The following NKAPL variants were observed in gnomAD, a reference collection of about 807,000 sequenced individuals.
The protein encoded by NKAPL is NKAP-like protein.
Under a neutral mutation model 14.7 loss-of-function variants are expected in NKAPL, and 7 were observed. The observed-to-expected ratio is 0.48, with a 90% CI of 0.27 to 0.89. NKAPL has a LOEUF of 0.89. Ranked by LOEUF, NKAPL falls within the 40% of genes least tolerant of loss-of-function variation. The pLI, the probability that NKAPL is intolerant of heterozygous loss-of-function variation, is 0.12. For synonymous variants in NKAPL, 192 were observed against 179.9 expected (o/e 1.07, Z -0.54); for missense variants, 466 against 494.1 (o/e 0.94, Z 0.54).
In NKAPL at chr6:28,260,301, G is replaced by T; in HGVS notation, c.930G>T (p.Glu310Asp). 6.2e-7 allele frequency: 1 copy of T among 1,614,216 alleles called. No homozygotes were observed. ...LLPGEGAAMA[E>D]YVKAGKRIPR... Reference sequence around the variant, plus strand: ...CCGGTGAAGGTGCAGCTATGGCTGAGTATGTAAAAGCTGGAAAGCGAATCC... The same window carrying T: ...CCGGTGAAGGTGCAGCTATGGCTGATTATGTAAAAGCTGGAAAGCGAATCC... The change falls in exon 1 of 1, where the codon GAG becomes GAT. Residue 310 changes from glutamate to aspartate, a missense_variant. By Grantham distance (45) the Glu-to-Asp change is conservative. Transcript: ENST00000343684.
chr6:28,259,355 G>A lies in NKAPL; in HGVS notation c.-17G>A. On this transcript the variant is annotated 5_prime_UTR_variant, in exon 1 of 1. Coordinates refer to ENST00000343684, the MANE Select transcript of NKAPL (RefSeq NM_001007531.3). ...CCTCTGGGTCTGTAGCAACCGCCCAGCGTTGAGGCGCGGCTCATGCCCCCA... is the reference window on the plus strand; with the variant it reads ...CCTCTGGGTCTGTAGCAACCGCCCAACGTTGAGGCGCGGCTCATGCCCCCA... The A allele has an allele frequency of 6.5e-7, 1 of 1,547,842 alleles. No individual in the cohort carries two copies. Among genetic ancestry groups the A allele is most frequent in the Middle Eastern group, 1.7e-4 (1 of 5,762 alleles).
Position 28,260,071 on chromosome 6 carries a change from CACAAA to C in NKAPL, c.706_710del (p.Thr236GlufsTer5), listed in dbSNP as rs1761307515. ...CAAGAAGAAAAAGAAGAAAAAGAAA[CACAAA>C]ACAAAGAAAAAGAAGAATAAGAAAA... On this transcript the variant is annotated frameshift_variant, in exon 1 of 1. Coordinates refer to ENST00000343684, the MANE Select transcript of NKAPL (RefSeq NM_001007531.3). LOFTEE classifies it high-confidence loss of function. 6.3e-7 allele frequency: 1 copy of C among 1,578,964 alleles called. No individual in the cohort carries two copies. The highest frequency in any genetic ancestry group is 8.5e-7 in the Non-Finnish European group (1 of 1,170,518).
chr6:28,259,383 ATCCCGGTCCAGCT>A lies in NKAPL; in HGVS notation c.13_25del (p.Ser5IlefsTer114). The A allele has an allele frequency of 6.3e-7, 1 of 1,582,034 alleles. No homozygotes were observed. The highest frequency in any genetic ancestry group is 1.1e-5 in the South Asian group (1 of 87,824). ...TTGAGGCGCGGCTCATGCCCCCAGT[ATCCCGGTCCAGCT>A]ATTCCGAGGACATCGTGGGCTCTCG... is the stretch of plus-strand genomic sequence containing the variant. On this transcript the variant is annotated frameshift_variant, in exon 1 of 1. Transcript: ENST00000343684. LOFTEE classifies it low-confidence loss of function (END_TRUNC).
Position 28,259,577 on chromosome 6 carries a change from C to G in NKAPL, c.206C>G (p.Ser69Cys), listed in dbSNP as rs1459637700. 17 of 1,613,282 alleles carry G rather than the reference C, an allele frequency of 1.1e-5. No individual in the cohort carries two copies. Among genetic ancestry groups the G allele is most frequent in the Non-Finnish European group, 1.4e-5 (17 of 1,179,258 alleles). Residue 69 changes from serine (S) to cysteine (C), a missense_variant, in exon 1 of 1, where the codon TCT becomes TGT. Ser to Cys is a moderately radical substitution (Grantham distance 112). Coordinates refer to ENST00000343684, the MANE Select transcript of NKAPL (RefSeq NM_001007531.3). Reference protein sequence around the residue: ...DVGALYPFSRSGSRGRLPRFR... With the variant: ...DVGALYPFSRCGSRGRLPRFR... ...GGCGCTCTTTACCCCTTTAGTCGCT[C>G]TGGGTCGCGAGGGCGGCTCCCAAGA... is the stretch of plus-strand genomic sequence containing the variant.
In NKAPL at chr6:28,259,576, T is replaced by C; in HGVS notation, c.205T>C (p.Ser69Pro). The change falls in exon 1 of 1, where the codon TCT (serine) becomes CCT (proline). Residue 69 changes from serine (S) to proline (P), a missense_variant. Physicochemically the swap from Ser to Pro is moderately conservative, Grantham distance 74. Transcript: ENST00000343684. The stretch of plus-strand genomic sequence containing the variant: ...GGGCGCTCTTTACCCCTTTAGTCGC[T>C]CTGGGTCGCGAGGGCGGCTCCCAAG... ...DVGALYPFSRSGSRGRLPRFR... is the reference protein window; with the variant it reads ...DVGALYPFSRPGSRGRLPRFR... 6.2e-7 allele frequency: 1 copy of C among 1,613,380 alleles called. No homozygotes were observed. The highest frequency in any genetic ancestry group is 8.5e-7 in the Non-Finnish European group (1 of 1,179,260).
Position 28,260,885 on chromosome 6 carries a change from C to T in NKAPL, c.*305C>T, listed in dbSNP as rs1761333389. 1 of 244,640 alleles carries T rather than the reference C, an allele frequency of 4.1e-6. No homozygotes were observed. Among genetic ancestry groups the T allele is most frequent in the Non-Finnish European group, 8.5e-6 (1 of 118,022 alleles). The allele number at this position is 244,640 out of a possible 1,614,324, so 15.2% of individuals were successfully genotyped here. The stretch of plus-strand genomic sequence containing the variant: ...TTTGGTGTCTTATATACAGAATATA[C>T]ATTCTGTGCATATACAAGAGTATAT... On this transcript the variant is annotated 3_prime_UTR_variant, in exon 1 of 1. Coordinates refer to ENST00000343684, the MANE Select transcript of NKAPL (RefSeq NM_001007531.3).
At position 28,260,092 on chromosome 6, in the gene NKAPL, A is replaced by G. The variant is rs757333671; in HGVS notation, c.721A>G (p.Asn241Asp). 3.5e-5 allele frequency: 56 copies of G among 1,581,096 alleles called. 1 individual carries two copies. Among genetic ancestry groups the G allele is most frequent in the African/African-American group, 9.6e-5 (7 of 72,668 alleles). The stretch of plus-strand genomic sequence containing the variant: ...GAAACACAAAACAAAGAAAAAGAAG[A>G]ATAAGAAAACCAAAAAAGAATCCAG... Reference protein sequence around the residue: ...KKKHKTKKKKNKKTKKESSDS... With the variant: ...KKKHKTKKKKDKKTKKESSDS... Residue 241 changes from asparagine (N) to aspartate (D), a missense_variant, in exon 1 of 1, where the codon AAT (asparagine) becomes GAT (aspartate). Coordinates refer to ENST00000343684, the MANE Select transcript of NKAPL (RefSeq NM_001007531.3).
In NKAPL at chr6:28,260,415, A is replaced by T; in HGVS notation, c.1044A>T (p.Arg348Ser). ...GYVMSGSRHR[R>S]MEAVRLRKEN... The stretch of plus-strand genomic sequence containing the variant: ...TCATGAGTGGTAGCAGGCATCGCAG[A>T]ATGGAGGCTGTACGACTGCGTAAGG... The change falls in exon 1 of 1, where the codon AGA becomes AGT. Residue 348 changes from arginine (R) to serine (S), a missense_variant. Arg to Ser is a moderately radical substitution (Grantham distance 110). Coordinates refer to ENST00000343684, the MANE Select transcript of NKAPL (RefSeq NM_001007531.3). 3 of 1,614,176 alleles carry T rather than the reference A, an allele frequency of 1.9e-6. No individual in the cohort carries two copies. The highest frequency in any genetic ancestry group is 2.5e-6 in the Non-Finnish European group (3 of 1,180,026).
chr6:28,259,751 G>C lies in NKAPL; in HGVS notation c.380G>C (p.Arg127Thr), dbSNP rs549192959. 1.2e-6 allele frequency: 2 copies of C among 1,614,218 alleles called. No individual in the cohort carries two copies. The highest frequency in any genetic ancestry group is 1.7e-6 in the Non-Finnish European group (2 of 1,180,046). The change falls in exon 1 of 1, where the codon AGG becomes ACG. Residue 127 changes from arginine to threonine, a missense_variant. Transcript: ENST00000343684. ...HRQRRLKERE[R>T]IGELGAPEVW... ...CAGAGGAGGCTGAAGGAGAGAGAGA[G>C]GATTGGGGAATTGGGAGCGCCTGAA...
rs780038516 is a variant in NKAPL at position 28,260,428 on chromosome 6, C to T, written c.1057C>T (p.Arg353Ter). Reference sequence around the variant, plus strand: ...CAGGCATCGCAGAATGGAGGCTGTACGACTGCGTAAGGAGAACCAGATCTA... The same window carrying T: ...CAGGCATCGCAGAATGGAGGCTGTATGACTGCGTAAGGAGAACCAGATCTA... ...GSRHRRMEAV[R>*]LRKENQIYSA... The change falls in exon 1 of 1, where the codon CGA becomes TGA. Residue 353 changes from arginine (R) to a stop codon, truncating the protein, a stop_gained. Transcript: ENST00000343684. LOFTEE classifies it high-confidence loss of function. 27 of 1,614,022 alleles carry T rather than the reference C, an allele frequency of 1.7e-5. No individual in the cohort carries two copies. Among genetic ancestry groups the T allele is most frequent in the Non-Finnish European group, 2.2e-5 (26 of 1,179,990 alleles).
In NKAPL at chr6:28,260,848, A is replaced by C. The variant is rs1761332251; in HGVS notation, c.*268A>C. 2.8e-6 allele frequency: 1 copy of C among 355,844 alleles called. No homozygotes were observed. Among genetic ancestry groups the C allele is most frequent in the Non-Finnish European group, 5.3e-6 (1 of 187,282 alleles). 22.0% of individuals were successfully genotyped at this position (355,844 alleles called of 1,614,324 possible). ...CTTTAGCCCCTGACACCTTTCCCCC[A>C]AAAATATATATTTTGGTGTCTTATA... On this transcript the variant is annotated 3_prime_UTR_variant, in exon 1 of 1. Transcript: ENST00000343684.
Position 28,260,579 on chromosome 6 carries a change from A to G in NKAPL, c.1208A>G (p.Ter403=). ...HKKTKEKDDK[*] ...AAGACAAAAGAGAAAGATGACAAGT[A>G]AGGACTTACTTGTTGCACAGCAGGA... The change falls in exon 1 of 1, where the codon TAA becomes TGA. Residue 403 remains the stop codon, a stop_retained_variant. Transcript: ENST00000343684. The G allele has an allele frequency of 6.2e-7, 1 of 1,607,824 alleles. No homozygotes were observed. Among genetic ancestry groups the G allele is most frequent in the Non-Finnish European group, 8.5e-7 (1 of 1,177,592 alleles).
At position 28,260,547 on chromosome 6, in the gene NKAPL, G is replaced by A; in HGVS notation, c.1176G>A (p.Val392=). 1.2e-6 allele frequency: 2 copies of A among 1,612,930 alleles called. No homozygotes were observed. The highest frequency in any genetic ancestry group is 1.3e-5 in the African/African-American group (1 of 74,860). ...SKILASFREM[V]HKKTKEKDDK is the part of the protein sequence containing the mutation. ...TTTTAGCCAGTTTCCGAGAGATGGTGCACAAAAAGACAAAAGAGAAAGATG... is the reference window on the plus strand; with the variant it reads ...TTTTAGCCAGTTTCCGAGAGATGGTACACAAAAAGACAAAAGAGAAAGATG... The change falls in exon 1 of 1, where the codon GTG becomes GTA. Residue 392 remains valine (V), a synonymous_variant. Coordinates refer to ENST00000343684, the MANE Select transcript of NKAPL (RefSeq NM_001007531.3).
In NKAPL at chr6:28,259,368, G is replaced by A; in HGVS notation, c.-4G>A. 1 of 1,564,710 alleles carries A rather than the reference G, an allele frequency of 6.4e-7. No homozygotes were observed. Among genetic ancestry groups the A allele is most frequent in the Non-Finnish European group, 8.7e-7 (1 of 1,150,308 alleles). On this transcript the variant is annotated 5_prime_UTR_variant, in exon 1 of 1. Coordinates refer to ENST00000343684, the MANE Select transcript of NKAPL (RefSeq NM_001007531.3). ...AGCAACCGCCCAGCGTTGAGGCGCG[G>A]CTCATGCCCCCAGTATCCCGGTCCA...
Position 28,260,196 on chromosome 6 carries a change from G to C in NKAPL, c.825G>C (p.Met275Ile). ...AGCAGCCAAATGTGGCAGATACTAT[G>C]GATTTAATAGGGCCAGAAGCACCTA... is the stretch of plus-strand genomic sequence containing the variant. Reference protein sequence around the residue: ...WMEQPNVADTMDLIGPEAPII... With the variant: ...WMEQPNVADTIDLIGPEAPII... The change falls in exon 1 of 1, where the codon ATG (methionine) becomes ATC (isoleucine). Residue 275 changes from methionine to isoleucine, a missense_variant. Transcript: ENST00000343684. 1.2e-6 allele frequency: 2 copies of C among 1,614,196 alleles called. No individual in the cohort carries two copies. Among genetic ancestry groups the C allele is most frequent in the Non-Finnish European group, 1.7e-6 (2 of 1,180,030 alleles).
rs1183365918 is a variant in NKAPL at position 28,260,537 on chromosome 6, G to T, written c.1166G>T (p.Arg389Leu). The T allele has an allele frequency of 2.5e-6, 4 of 1,613,810 alleles. No homozygotes were observed. The highest frequency in any genetic ancestry group is 3.4e-6 in the Non-Finnish European group (4 of 1,179,938). ...KRESKILASF[R>L]EMVHKKTKEK... is the part of the protein sequence containing the mutation. ...GAAAGTAAGATTTTAGCCAGTTTCC[G>T]AGAGATGGTGCACAAAAAGACAAAA... Residue 389 changes from arginine (R) to leucine (L), a missense_variant, in exon 1 of 1, where the codon CGA becomes CTA. Coordinates refer to ENST00000343684, the MANE Select transcript of NKAPL (RefSeq NM_001007531.3).
chr6:28,259,422 G>C lies in NKAPL; in HGVS notation c.51G>C (p.Arg17=), dbSNP rs758858297. Residue 17 remains arginine (R), a synonymous_variant, in exon 1 of 1, where the codon CGG becomes CGC. Coordinates refer to ENST00000343684, the MANE Select transcript of NKAPL (RefSeq NM_001007531.3). ...SSYSEDIVGS[R]RRRRSSSGSP... ...ATTCCGAGGACATCGTGGGCTCTCG[G>C]AGAAGGCGACGCAGCTCCTCGGGGA... is the stretch of plus-strand genomic sequence containing the variant. The C allele has an allele frequency of 6.2e-7, 1 of 1,609,644 alleles. No homozygotes were observed. The highest frequency in any genetic ancestry group is 1.1e-5 in the South Asian group (1 of 90,932).
Position 28,259,910 on chromosome 6 carries a change from C to T in NKAPL, c.539C>T (p.Thr180Ile). The T allele has an allele frequency of 6.2e-7, 1 of 1,611,806 alleles. No homozygotes were observed. The highest frequency in any genetic ancestry group is 8.5e-7 in the Non-Finnish European group (1 of 1,179,548). Reference protein sequence around the residue: ...SNSEEHRKKKTSRSRNKKKRK... With the variant: ...SNSEEHRKKKISRSRNKKKRK... The stretch of plus-strand genomic sequence containing the variant: ...TCGGAAGAACATAGGAAAAAGAAGA[C>T]CAGTCGTTCAAGAAACAAGAAAAAA... The change falls in exon 1 of 1, where the codon ACC (threonine) becomes ATC (isoleucine). Residue 180 changes from threonine to isoleucine, a missense_variant. Coordinates refer to ENST00000343684, the MANE Select transcript of NKAPL (RefSeq NM_001007531.3).
Position 28,260,248 on chromosome 6 carries a change from C to G in NKAPL, c.877C>G (p.Pro293Ala), listed in dbSNP as rs1761316305. 6.2e-6 allele frequency: 10 copies of G among 1,614,042 alleles called. No individual in the cohort carries two copies. Among genetic ancestry groups the G allele is most frequent in the Non-Finnish European group, 8.5e-6 (10 of 1,180,006 alleles). ...AATACATACCTCTCAAGATGAAAAA[C>G]CTTTGAAGTATGGCCATGCTTTGCT... ...PIIHTSQDEK[P>A]LKYGHALLPG... is the part of the protein sequence containing the mutation. Residue 293 changes from proline to alanine, a missense_variant, in exon 1 of 1, where the codon CCT (proline) becomes GCT (alanine). Transcript: ENST00000343684.
Sources: allele counts gnomAD v4.1 joint callset, GRCh38; gene constraint gnomAD v4.1.1; transcripts MANE v1.5; gene names NCBI Gene and HGNC (gene_info 2026-07-23, HGNC 2026-07-21).